Variants in CNTLN observed in about 807,000 individuals in gnomAD.
CNTLN encodes centlein, centrosomal protein.
A neutral mutation model predicts 180.0 loss-of-function variants in CNTLN; 212 were observed. The observed-to-expected ratio is 1.18, with a 90% confidence interval of 1.05 to 1.32. CNTLN has a LOEUF of 1.32. CNTLN is among the 40% of genes most tolerant of loss of function. CNTLN has a pLI of 0.00. For synonymous variants in CNTLN, 722 were observed against 563.1 expected, an observed-to-expected ratio of 1.28 and a Z score of -3.99; for missense variants, 2,095 against 1,610.9, an observed-to-expected ratio of 1.30 and a Z score of -5.14.
Position 17,143,351 on chromosome 9 carries a change from C to A in CNTLN, c.424C>A (p.Gln142Lys), listed in dbSNP as rs370215475. 1.9e-5 allele frequency: 30 copies of A among 1,613,450 alleles called. No homozygotes were observed. Among genetic ancestry groups the A allele is most frequent in the Non-Finnish European group, 2.5e-5 (30 of 1,179,682 alleles). ...CCAGGTTACAAACCCAGATCTCACA[C>A]AAGTGGTCAGTTTGGTTGTGGAAAG... is the stretch of plus-strand genomic sequence containing the variant. ...RLQVTNPDLT[Q>K]VVSLVVEREK... Residue 142 changes from glutamine to lysine, a missense_variant, in exon 2 of 26, where the codon CAA becomes AAA. Gln to Lys is a moderately conservative substitution (Grantham distance 53). Transcript: ENST00000380647.
intron 2 of CNTLN, among the ~76,000 whole-genome samples, chr9:17,151,420 A>T (rs2779770): frequency 6.6e-6 from 1 of 152,042 alleles, no homozygotes; most frequent in African/African-American, 2.4e-5. Context: ...GGTTTTTGTC[A>T]TTGGTTCTGT....
At chr9:17,261,386 C>A (rs1028414248) in intron 5 of CNTLN, among the ~76,000 whole-genome samples, 1 of 151,372 alleles carries the variant, frequency 6.6e-6, no homozygotes, top group East Asian at 1.9e-4. Context: ...AAAGATCTTT[C>A]ACCTTCTTGT....
At chr9:17,156,306 C>T (rs940544160) in intron 2 of CNTLN, among the ~76,000 whole-genome samples, 4 of 152,152 alleles carry the variant, frequency 2.6e-5, no homozygotes, top group Non-Finnish European at 4.4e-5. Context: ...GGTGTTTTAA[C>T]AGAACCATCG....
chr9:17,261,275 C>T (rs1321590879), intron 5 of CNTLN, among the ~76,000 whole-genome samples: 1 of 151,350 alleles, frequency 6.6e-6, no homozygotes, highest in Admixed American at 6.6e-5. Flanking sequence ...GTAGGGCCAT[C>T]TTAATGATAT....
chr9:17,266,005 A>G (rs1587407337), intron 5 of CNTLN, among the ~76,000 whole-genome samples: 1 of 151,982 alleles, frequency 6.6e-6, no homozygotes, highest in Non-Finnish European at 1.5e-5. Context: ...GGATTCATTA[A>G]TTTTTTGAAG....
intron 2 of CNTLN, among the ~76,000 whole-genome samples, chr9:17,189,581 T>C (rs1242149496): frequency 6.6e-6 from 1 of 151,836 alleles, no homozygotes; most frequent in African/African-American, 2.4e-5. Flanking sequence ...CCTCCCAGGT[T>C]CAAGCGATTC....
intron 12 of CNTLN, among the ~76,000 whole-genome samples, chr9:17,364,038 AT>A (rs1823610376): frequency 6.6e-6 from 1 of 152,094 alleles, no homozygotes; most frequent in Non-Finnish European, 1.5e-5. Flanking sequence ...TCATTTAAAG[AT>A]TGTCTCTATC....
intron 2 of CNTLN, among the ~76,000 whole-genome samples, chr9:17,177,372 G>A (rs1412690439): frequency 6.6e-6 from 1 of 151,852 alleles, no homozygotes; most frequent in Non-Finnish European, 1.5e-5. Context: ...TTGTGCCACT[G>A]CACTCCAGCC....
At chr9:17,180,793 T>A (rs1261670977) in intron 2 of CNTLN, among the ~76,000 whole-genome samples, 3 of 152,186 alleles carry the variant, frequency 2.0e-5, no homozygotes, top group Non-Finnish European at 4.4e-5. Context: ...CTTTAATTCC[T>A]AAAAATTATT....
chr9:17,201,093 G>A (rs931079329), intron 2 of CNTLN, among the ~76,000 whole-genome samples: 2 of 152,166 alleles, frequency 1.3e-5, no homozygotes, highest in South Asian at 4.1e-4. Context: ...AGATAATCAT[G>A]TGATTTTTGT....
chr9:17,212,387 G>T (rs1404285248), intron 2 of CNTLN, among the ~76,000 whole-genome samples: 3 of 152,158 alleles, frequency 2.0e-5, no homozygotes, highest in Admixed American at 1.3e-4. Flanking sequence ...AACCAGCCTT[G>T]CATCCTAGGG....
At chr9:17,344,088 G>C (rs1277167844) in intron 12 of CNTLN, among the ~76,000 whole-genome samples, 1 of 152,130 alleles carries the variant, frequency 6.6e-6, no homozygotes, top group Non-Finnish European at 1.5e-5. Context: ...AATTAGTTGA[G>C]AGACCTAATC....
At chr9:17,261,657 T>A (rs564933586) in intron 5 of CNTLN, among the ~76,000 whole-genome samples, 1 of 151,560 alleles carries the variant, frequency 6.6e-6, no homozygotes, top group Non-Finnish European at 1.5e-5. Context: ...GTATGTCATT[T>A]ATTTTTTTCT....
chr9:17,432,374 T>A (rs560186310), intron 18 of CNTLN, among the ~76,000 whole-genome samples: 168 of 152,284 alleles, frequency 1.1e-3, no homozygotes, highest in African/African-American at 3.9e-3. Context: ...AAATTAAAAG[T>A]TCACTGACTG....
chr9:17,305,727 A>G (rs1818659540), intron 7 of CNTLN, among the ~76,000 whole-genome samples: 1 of 152,176 alleles, frequency 6.6e-6, no homozygotes, highest in Admixed American at 6.5e-5. Flanking sequence ...AACCAAGTTT[A>G]CTGCTGGACT....
At chr9:17,429,409 A>C (rs1411691905) in intron 18 of CNTLN, among the ~76,000 whole-genome samples, 1 of 152,082 alleles carries the variant, frequency 6.6e-6, no homozygotes, top group Non-Finnish European at 1.5e-5. Context: ...TAAAGTACCC[A>C]TGGGAACATT....
rs574570053 is a variant in CNTLN at position 17,212,067 on chromosome 9, C to T, written c.450-14136C>T. On this transcript the variant is annotated intron_variant, in intron 2 of 25. Transcript: ENST00000380647. ...TTATTTCTTTCTCCTGCCTTATTGC[C>T]CTGGCCAGAATTTCCAAGACTATGT... Among the ~76,000 whole-genome samples, 7 of 152,112 alleles carry T rather than the reference C, an allele frequency of 4.6e-5. No individual in the cohort carries two copies. The East Asian group carries it at 1.2e-3, about 25-fold the overall frequency.
rs188326319 is a variant in CNTLN, at chr9:17,212,846, G to A, written c.450-13357G>A. Among the ~76,000 whole-genome samples the A allele has an allele frequency of 1.3e-3, 193 of 152,308 alleles. 1 individual carries two copies. The highest frequency in any genetic ancestry group is 4.4e-3 in the African/African-American group (184 of 41,560). On this transcript the variant is annotated intron_variant, in intron 2 of 25. Coordinates refer to ENST00000380647, the MANE Select transcript of CNTLN (RefSeq NM_017738.4). ...GATTTTCTAGTTTATTTGCATAGAT[G>A]TGTTTATAGTATTCTCTGATGGTAA...
At chr9:17,194,241 G>C (rs1452050733) in intron 2 of CNTLN, among the ~76,000 whole-genome samples, 1 of 152,164 alleles carries the variant, frequency 6.6e-6, no homozygotes, top group Non-Finnish European at 1.5e-5. Flanking sequence ...AATTTCTGCA[G>C]CCAGTTTGAA....
Sources: allele counts gnomAD v4.1 joint callset (sites outside exome capture counted in the v4.1 genomes callset), GRCh38; gene constraint gnomAD v4.1.1; transcripts MANE v1.5; gene names NCBI Gene and HGNC (gene_info 2026-07-23, HGNC 2026-07-21).